The following ZNF385D variants were observed in gnomAD, a reference collection of about 807,000 sequenced individuals.
ZNF385D encodes the protein zinc finger protein 385D, also known as zinc finger protein 659.
In ZNF385D, 15 loss-of-function variants were observed where a neutral mutation model predicts 35.8. The observed-to-expected ratio is 0.42, with a 90% CI of 0.28 to 0.64. The LOEUF is 0.64. Among genes scored for constraint, ZNF385D ranks in the 30% least tolerant of loss-of-function variants. The probability of loss-of-function intolerance (pLI) is 0.23; values close to 1 mark genes in which losing one functional copy is unlikely to be tolerated. For synonymous variants in ZNF385D, 212 were observed against 186.8 expected (o/e 1.13, Z -1.10); for missense variants, 474 against 494.6 (o/e 0.96, Z 0.39).
chr3:21,518,199 TACTC>T (rs778367257), intron 3 of ZNF385D, among the ~76,000 whole-genome samples: 13 of 152,184 alleles, frequency 8.5e-5, no homozygotes, highest in Non-Finnish European at 1.6e-4. Context: ...CAATGTATAT[TACTC>T]ACCCTAAAAA....
chr3:22,063,993 C>G (rs564901709), intron 3 of ZNF385D, among the ~76,000 whole-genome samples: 26 of 152,306 alleles, frequency 1.7e-4, no homozygotes, highest in Admixed American at 1.4e-3. Context: ...TTGCTGTAAG[C>G]AAATATCCAT....
chr3:22,065,787 C>T (rs144365740), intron 3 of ZNF385D, among the ~76,000 whole-genome samples: 1 of 152,074 alleles, frequency 6.6e-6, no homozygotes, highest in Non-Finnish European at 1.5e-5. Flanking sequence ...GCACCAGTGG[C>T]CACAAATTGT....
At position 21,646,340 on chromosome 3, in the gene ZNF385D, A is replaced by G. The variant is rs2065752411; in HGVS notation, c.165+18546T>C. On this transcript the variant is annotated intron_variant, in intron 2 of 7. Coordinates refer to ENST00000281523, the MANE Select transcript of ZNF385D (RefSeq NM_024697.3). The surrounding 1 kb of genome is among the most constrained non-coding windows in gnomAD (Gnocchi z 4.3). ...GTACATCTCACAGTAATCTACAGAC[A>G]GCTTACAACAGTGCTGCACACGATT... Among the ~76,000 whole-genome samples the G allele has an allele frequency of 6.6e-6, 1 of 152,222 alleles. No individual in the cohort carries two copies. The highest frequency in any genetic ancestry group is 2.1e-4 in the South Asian group (1 of 4,832).
chr3:22,168,218 T>A (rs1706460584), intron 3 of ZNF385D, among the ~76,000 whole-genome samples: 1 of 152,222 alleles, frequency 6.6e-6, no homozygotes, highest in South Asian at 2.1e-4. Context: ...CTCTATATTT[T>A]CTAATAACTT....
chr3:21,602,696 C>T (rs463591), intron 2 of ZNF385D, among the ~76,000 whole-genome samples: 37,097 of 146,980 alleles, frequency 0.25, 5,264 homozygotes, highest in Non-Finnish European at 0.34. Context: ...CCGCGCCCGG[C>T]TAATTTTTTT....
chr3:21,883,407 A>C (rs867775923), intron 3 of ZNF385D, among the ~76,000 whole-genome samples: 3 of 152,144 alleles, frequency 2.0e-5, no homozygotes, highest in Admixed American at 6.6e-5. Flanking sequence ...AATTGACTAA[A>C]TCAGTTACAT....
chr3:22,060,030 T>C (rs1265117811), intron 3 of ZNF385D, among the ~76,000 whole-genome samples: 1 of 152,174 alleles, frequency 6.6e-6, no homozygotes, highest in Admixed American at 6.5e-5. Context: ...CCTTTGAACA[T>C]TGGGAGCTAC....
Position 22,251,654 on chromosome 3 carries a change from C to G in ZNF385D, c.107-82619G>C, listed in dbSNP as rs190201436. Among the ~76,000 whole-genome samples the G allele has an allele frequency of 4.2e-3, 635 of 152,160 alleles. 3 individuals carry two copies. Among genetic ancestry groups the G allele is most frequent in the South Asian group, 0.041 (197 of 4,816 alleles). ...GAATCCCTCCCCCATTTGTGAGAACCAAAATGTCTCCAACATTGCCAAATG... is the reference window on the plus strand; with the variant it reads ...GAATCCCTCCCCCATTTGTGAGAACGAAAATGTCTCCAACATTGCCAAATG... On this transcript the variant is annotated intron_variant, in intron 2 of 5. Transcript: ENST00000494108.
chr3:21,545,473 A>G (rs969230746), intron 3 of ZNF385D, among the ~76,000 whole-genome samples: 1 of 152,220 alleles, frequency 6.6e-6, no homozygotes, highest in Admixed American at 6.5e-5. Flanking sequence ...TGAACTATTT[A>G]AAGTTTTTTA....
intron 3 of ZNF385D, among the ~76,000 whole-genome samples, chr3:22,167,348 C>T (rs549383165): frequency 3.7e-4 from 57 of 152,306 alleles, no homozygotes; most frequent in Non-Finnish European, 2.1e-4. Flanking sequence ...CTATTCTGAG[C>T]CCATAAAAGC....
intron 2 of ZNF385D, among the ~76,000 whole-genome samples, chr3:22,310,359 C>T (rs1340149153): frequency 1.3e-5 from 2 of 151,942 alleles, no homozygotes; most frequent in African/African-American, 2.4e-5. Flanking sequence ...TAACCTGTAA[C>T]TTTTACATGA....
chr3:21,608,479 C>T (rs924635808), intron 2 of ZNF385D, among the ~76,000 whole-genome samples: 1 of 152,108 alleles, frequency 6.6e-6, no homozygotes, highest in Non-Finnish European at 1.5e-5. Flanking sequence ...GTGTTTAAAC[C>T]TTTGCATCAG....
At chr3:22,363,076 T>C (rs146914995) in intron 2 of ZNF385D, among the ~76,000 whole-genome samples, 19 of 152,184 alleles carry the variant, frequency 1.2e-4, no homozygotes, top group Admixed American at 4.6e-4. Flanking sequence ...CTTAATAAGT[T>C]CCTCTTCGGA....
At chr3:21,981,521 T>C (rs1358464950) in intron 3 of ZNF385D, among the ~76,000 whole-genome samples, 2 of 152,022 alleles carry the variant, frequency 1.3e-5, no homozygotes, top group African/African-American at 4.8e-5. Context: ...AGGTTGTTTA[T>C]CCTGTTGATA....
At chr3:21,807,561 GAACT>G (rs1352765825) in intron 3 of ZNF385D, among the ~76,000 whole-genome samples, 1 of 151,886 alleles carries the variant, frequency 6.6e-6, no homozygotes, top group Non-Finnish European at 1.5e-5. Context: ...AAATATTGTT[GAACT>G]AAGAAATACA....
In ZNF385D at chr3:21,765,215, T is replaced by A. The variant is rs541870394; in HGVS notation, c.326-100187A>T. On this transcript the variant is annotated intron_variant, in intron 3 of 5. Coordinates refer to the ZNF385D transcript ENST00000494108. ...CATACACATAAAATCTGTGTGTGTG[T>A]GTGAGAGAGAGAGAGAGAGAGAGCA... Among the ~76,000 whole-genome samples the A allele has an allele frequency of 1.9e-3, 284 of 150,918 alleles. 1 individual carries two copies. The highest frequency in any genetic ancestry group is 2.8e-3 in the Non-Finnish European group (189 of 67,498).
intron 3 of ZNF385D, among the ~76,000 whole-genome samples, chr3:21,981,133 G>C (rs1173003869): frequency 6.6e-6 from 1 of 152,076 alleles, no homozygotes; most frequent in East Asian, 1.9e-4. Context: ...GCTCACTGAG[G>C]AATCACTATG....
At position 21,646,212 on chromosome 3, in the gene ZNF385D, A is replaced by AAT. The variant is rs1370987554; in HGVS notation, c.165+18673_165+18674insAT. Among the ~76,000 whole-genome samples, 15 of 152,206 alleles carry AAT rather than the reference A, an allele frequency of 9.9e-5. No individual in the cohort carries two copies. The highest frequency in any genetic ancestry group is 3.6e-4 in the African/African-American group (15 of 41,458). On this transcript the variant is annotated intron_variant, in intron 2 of 7. Coordinates refer to ENST00000281523, the MANE Select transcript of ZNF385D (RefSeq NM_024697.3). This position sits in a 1 kb window ranked among gnomAD's most constrained non-coding sequence, Gnocchi z 4.3. ...TTAGGGTGTCAAAACCGGCCATGTAAGTATATGCAATCATGGTTTTGATTA... is the reference window on the plus strand; with the variant it reads ...TTAGGGTGTCAAAACCGGCCATGTAAATGTATATGCAATCATGGTTTTGATTA...
At chr3:22,097,977 G>T (rs1238426345) in intron 3 of ZNF385D, among the ~76,000 whole-genome samples, 1 of 151,994 alleles carries the variant, frequency 6.6e-6, no homozygotes, top group African/African-American at 2.4e-5. Context: ...GTTAACCAAT[G>T]ACGATTAAAA....
Sources: allele counts gnomAD v4.1 joint callset (sites outside exome capture counted in the v4.1 genomes callset), GRCh38; gene constraint gnomAD v4.1.1; non-coding constraint Gnocchi (gnomAD v3.1); transcripts MANE v1.5; gene names NCBI Gene and HGNC (gene_info 2026-07-23, HGNC 2026-07-21).